Variants in PDZD2 observed in about 807,000 individuals in gnomAD.
PDZD2 encodes PDZ domain containing 2, also known as PDZ domain-containing protein 2.
A neutral mutation model predicts 220.7 loss-of-function variants in PDZD2; 90 were observed. The observed-to-expected ratio is 0.41, with a 90% CI of 0.34 to 0.49. The LOEUF (loss-of-function observed/expected upper bound fraction) is 0.49. Ranked by LOEUF, PDZD2 falls within the 20% of genes least tolerant of loss-of-function variation. The pLI, the probability that PDZD2 is intolerant of heterozygous loss-of-function variation, is 0.28. For missense variants in PDZD2, 3,174 were observed against 3,608.5 expected (o/e 0.88, Z 3.08); for synonymous variants, 1,375 against 1,450.5 (o/e 0.95, Z 1.18).
chr5:31,790,822 C>T (rs1179704345), intron 1 of PDZD2, among the ~76,000 whole-genome samples: 2 of 151,254 alleles, frequency 1.3e-5, no homozygotes, highest in African/African-American at 4.9e-5. Context: ...CCTCAGCCTC[C>T]TGAATAGCTG....
chr5:31,683,816 T>G (rs1019603910), intron 1 of PDZD2, among the ~76,000 whole-genome samples: 1 of 152,196 alleles, frequency 6.6e-6, no homozygotes, highest in African/African-American at 2.4e-5. Context: ...GTATATCTGT[T>G]GAATAAATTA....
intron 2 of PDZD2, among the ~76,000 whole-genome samples, chr5:31,903,623 A>G (rs2150360322): frequency 7.0e-6 from 1 of 143,356 alleles, no homozygotes; most frequent in East Asian, 2.0e-4. Context: ...TAGCCTGTGC[A>G]ATAAGAGTGA....
chr5:32,010,832 C>A (rs1481822403), intron 6 of PDZD2, among the ~76,000 whole-genome samples: 1 of 151,334 alleles, frequency 6.6e-6, no homozygotes, highest in African/African-American at 2.4e-5. Context: ...CTAGTCTCTA[C>A]TAAAAATACA....
chr5:31,783,768 C>T (rs1489565329), intron 1 of PDZD2, among the ~76,000 whole-genome samples: 4 of 152,162 alleles, frequency 2.6e-5, no homozygotes, highest in Non-Finnish European at 5.9e-5. Context: ...TGTACCCAAC[C>T]GTCTACATTT....
chr5:31,923,977 C>T (rs1469753054), intron 2 of PDZD2, among the ~76,000 whole-genome samples: 1 of 152,102 alleles, frequency 6.6e-6, no homozygotes, highest in Non-Finnish European at 1.5e-5. Context: ...TTAAGATGCA[C>T]CACACTCAGG....
intron 2 of PDZD2, among the ~76,000 whole-genome samples, chr5:31,962,275 TCTTTC>T (rs760968677): frequency 2.6e-5 from 4 of 152,322 alleles, no homozygotes; most frequent in Admixed American, 6.5e-5. Flanking sequence ...CTTTTAGCAG[TCTTTC>T]CTTTAACTCC....
chr5:31,877,358 G>C (rs1358435630), intron 2 of PDZD2, among the ~76,000 whole-genome samples: 8 of 152,028 alleles, frequency 5.3e-5, no homozygotes, highest in African/African-American at 1.9e-4. Flanking sequence ...TGGGACCACA[G>C]GTGCATACCA....
intron 1 of PDZD2, among the ~76,000 whole-genome samples, chr5:31,786,891 A>G (rs1427093421): frequency 6.6e-6 from 1 of 152,236 alleles, no homozygotes; most frequent in Non-Finnish European, 1.5e-5. Context: ...TAAATACAGT[A>G]AATAGATTAT....
intron 5 of PDZD2, among the ~76,000 whole-genome samples, chr5:32,005,055 C>G (rs1752692564): frequency 6.6e-6 from 1 of 152,208 alleles, no homozygotes; most frequent in South Asian, 2.1e-4. Context: ...ATCCAAGGTC[C>G]TCATCCACAT....
At chr5:31,728,587 T>C (rs1223026451) in intron 1 of PDZD2, among the ~76,000 whole-genome samples, 1 of 152,216 alleles carries the variant, frequency 6.6e-6, no homozygotes, top group Non-Finnish European at 1.5e-5. Flanking sequence ...TGCTTCGTTA[T>C]AGCTTTGATC....
At chr5:31,835,406 G>T (rs1756886247) in intron 2 of PDZD2, among the ~76,000 whole-genome samples, 1 of 151,634 alleles carries the variant, frequency 6.6e-6, no homozygotes. Flanking sequence ...ATCACTTGAG[G>T]TCAGGAGTTC....
chr5:32,081,143 T>C (rs1303317134), intron 19 of PDZD2, among the ~76,000 whole-genome samples: 1 of 151,920 alleles, frequency 6.6e-6, no homozygotes, highest in East Asian at 1.9e-4. Flanking sequence ...CAAGTTCTCT[T>C]GTGTTATAGT....
Position 32,048,617 on chromosome 5 carries a change from TGGA to T in PDZD2, c.1601_1603del (p.Glu534del). On this transcript the variant is annotated inframe_deletion, in exon 8 of 25. Coordinates refer to ENST00000438447, the MANE Select transcript of PDZD2 (RefSeq NM_178140.4). ...AATGGGGACCCCCGGATCCGGATGT[TGGA>T]GGTCTCCCGAGATGGCCGGAAACAC... is the stretch of plus-strand genomic sequence containing the variant. 6.2e-7 allele frequency: 1 copy of T among 1,614,116 alleles called. No homozygotes were observed. Among genetic ancestry groups the T allele is most frequent in the East Asian group, 2.2e-5 (1 of 44,874 alleles).
intron 7 of PDZD2, among the ~76,000 whole-genome samples, chr5:32,046,801 G>A (rs1042578143): frequency 6.6e-6 from 1 of 152,140 alleles, no homozygotes; most frequent in Non-Finnish European, 1.5e-5. Flanking sequence ...CCAGCATTTT[G>A]GGAGGCCAAG....
chr5:31,657,198 G>A lies in PDZD2; in HGVS notation c.-361+17761G>A, dbSNP rs545753839. The A allele has an allele frequency of 7.9e-5, 12 of 152,402 alleles. No homozygotes were observed. The East Asian group carries it at 2.3e-3, about 29-fold the overall frequency. 9.4% of individuals were successfully genotyped at this position (152,402 alleles called of 1,614,324 possible). ...TAGACCTGTACATCATGGGAAAGCT[G>A]TTGATGTAGCCTATCTGGCCTTTTC... On this transcript the variant is annotated intron_variant, in intron 1 of 24. Coordinates refer to ENST00000438447, the MANE Select transcript of PDZD2 (RefSeq NM_178140.4).
intron 2 of PDZD2, among the ~76,000 whole-genome samples, chr5:31,948,289 A>G (rs1055187456): frequency 9.2e-5 from 14 of 152,156 alleles, no homozygotes; most frequent in African/African-American, 2.9e-4. Flanking sequence ...TTGTCTGCTC[A>G]GGGGCGAGGG....
intron 24 of PDZD2, among the ~76,000 whole-genome samples, chr5:32,104,731 A>C (rs961510089): frequency 6.7e-6 from 1 of 148,774 alleles, no homozygotes; most frequent in African/African-American, 2.5e-5. Context: ...AAAAAAAAAA[A>C]AAAAAAAAAA....
rs186778038 is a variant in PDZD2 at position 31,971,995 on chromosome 5, G to A, written c.477-11160G>A. 3.3e-5 allele frequency among the ~76,000 whole-genome samples: 5 copies of A among 152,276 alleles called. No homozygotes were observed. The East Asian group carries it at 5.8e-4, about 18-fold the overall frequency. ...ACATTCTTCTCCCAGGTAGCTGCAC[G>A]GCCAACTCTTTGCCTTCTTCAAGTC... is the stretch of plus-strand genomic sequence containing the variant. On this transcript the variant is annotated intron_variant, in intron 2 of 24. Coordinates refer to ENST00000438447, the MANE Select transcript of PDZD2 (RefSeq NM_178140.4).
At chr5:31,645,976 C>T (rs933623849) in intron 1 of PDZD2, among the ~76,000 whole-genome samples, 1 of 151,740 alleles carries the variant, frequency 6.6e-6, no homozygotes, top group Non-Finnish European at 1.5e-5. Context: ...GGCTGCCTTA[C>T]ATGGGAGGCC....
Sources: allele counts gnomAD v4.1 joint callset (sites outside exome capture counted in the v4.1 genomes callset), GRCh38; gene constraint gnomAD v4.1.1; transcripts MANE v1.5; gene names NCBI Gene and HGNC (gene_info 2026-07-23, HGNC 2026-07-21).